The following ALK variants were observed in gnomAD, a reference collection of about 807,000 sequenced individuals.
The protein encoded by ALK is ALK receptor tyrosine kinase.
ALK carries 74 observed loss-of-function variants against 163.1 expected under a neutral mutation model. The observed-to-expected ratio is 0.45, with a 90% CI of 0.38 to 0.55. The LOEUF (loss-of-function observed/expected upper bound fraction) is 0.55, where lower values mean the gene tolerates loss of function less well. Among genes scored for constraint, ALK ranks in the 20% least tolerant of loss-of-function variants. The probability of loss-of-function intolerance (pLI) is 0.00; values close to 1 mark genes in which losing one functional copy is unlikely to be tolerated. For missense variants in ALK, 2,063 were observed against 2,105.3 expected, an observed-to-expected ratio of 0.98 and a Z score of 0.39; for synonymous variants, 960 against 843.2, an observed-to-expected ratio of 1.14 and a Z score of -2.40.
intron 3 of ALK, among the ~76,000 whole-genome samples, chr2:29,576,258 T>C (rs1163435193): frequency 6.6e-6 from 1 of 152,214 alleles, no homozygotes; most frequent in Non-Finnish European, 1.5e-5. Context: ...CTTACAAGTG[T>C]GCTTGTCAAC....
chr2:29,883,129 A>G, intron 1 of ALK, among the ~76,000 whole-genome samples: 1 of 152,068 alleles, frequency 6.6e-6, no homozygotes, highest in African/African-American at 2.4e-5. Context: ...AAGGGAAGGT[A>G]AAAGAAAAAA....
chr2:29,435,203 A>T (rs1387461258), intron 4 of ALK, among the ~76,000 whole-genome samples: 1 of 152,190 alleles, frequency 6.6e-6, no homozygotes, highest in East Asian at 1.9e-4. Context: ...CTTGTCATTC[A>T]TTCATTAAAC....
intron 3 of ALK, among the ~76,000 whole-genome samples, chr2:29,557,504 G>C (rs1217329477): frequency 6.6e-6 from 1 of 152,152 alleles, no homozygotes; most frequent in Admixed American, 6.5e-5. Flanking sequence ...ATAAATAGCA[G>C]AGGTAGGTCA....
chr2:29,492,468 G>C (rs1257919946), intron 4 of ALK, among the ~76,000 whole-genome samples: 1 of 152,176 alleles, frequency 6.6e-6, no homozygotes, highest in Non-Finnish European at 1.5e-5. Flanking sequence ...CATTAGGAGT[G>C]GGAAGAGGGA....
At chr2:29,730,167 C>T (rs1679696888) in intron 1 of ALK, among the ~76,000 whole-genome samples, 1 of 152,190 alleles carries the variant, frequency 6.6e-6, no homozygotes, top group African/African-American at 2.4e-5. Flanking sequence ...AAAGCAAAGG[C>T]TGTCCTTAGG....
intron 9 of ALK, among the ~76,000 whole-genome samples, chr2:29,278,864 G>T (rs1319379049): frequency 4.6e-5 from 7 of 152,190 alleles, no homozygotes; most frequent in African/African-American, 1.4e-4. Context: ...CTCCTAATCT[G>T]TCATTCACAG....
chr2:29,414,292 T>C (rs1669812095), intron 4 of ALK, among the ~76,000 whole-genome samples: 1 of 152,230 alleles, frequency 6.6e-6, no homozygotes, highest in Admixed American at 6.5e-5. Flanking sequence ...TAGGATCTCT[T>C]ACAGTTCTGA....
At chr2:29,306,161 A>G (rs1023207824) in intron 8 of ALK, among the ~76,000 whole-genome samples, 1 of 152,246 alleles carries the variant, frequency 6.6e-6, no homozygotes. Context: ...ACTGAATGCC[A>G]GGAAGCTGAA....
intron 1 of ALK, among the ~76,000 whole-genome samples, chr2:29,748,413 G>A (rs2148329301): frequency 6.6e-6 from 1 of 152,334 alleles, no homozygotes; most frequent in East Asian, 1.9e-4. Context: ...ATGTTAATGT[G>A]TGTATGAATC....
chr2:29,722,270 G>A (rs1211658194), intron 1 of ALK, among the ~76,000 whole-genome samples: 1 of 152,232 alleles, frequency 6.6e-6, no homozygotes, highest in African/African-American at 2.4e-5. Context: ...ACCAGCTGAT[G>A]ATCAATAAAT....
At chr2:29,895,457 G>C (rs1327575939) in intron 1 of ALK, among the ~76,000 whole-genome samples, 1 of 152,230 alleles carries the variant, frequency 6.6e-6, no homozygotes, top group Non-Finnish European at 1.5e-5. Flanking sequence ...CAAGAATTGA[G>C]GCTGGAAGCA....
At chr2:29,377,375 T>G (rs1668781067) in intron 5 of ALK, among the ~76,000 whole-genome samples, 1 of 150,292 alleles carries the variant, frequency 6.7e-6, no homozygotes, top group South Asian at 2.1e-4. Context: ...CTCAGGAGCC[T>G]GAGGCAGGAG....
At chr2:29,302,380 T>C (rs980020056) in intron 8 of ALK, among the ~76,000 whole-genome samples, 1 of 152,154 alleles carries the variant, frequency 6.6e-6, no homozygotes, top group Non-Finnish European at 1.5e-5. Flanking sequence ...TAGCTGGGTG[T>C]GGTGGCAGGC....
chr2:29,345,289 G>A (rs1019916549), intron 5 of ALK, among the ~76,000 whole-genome samples: 12 of 151,978 alleles, frequency 7.9e-5, no homozygotes, highest in Admixed American at 3.3e-4. Context: ...CTAGCTACCT[G>A]GGAGGCTGAG....
rs2148159625 is a variant in ALK, at chr2:29,214,093, C to G, written c.3646-12G>C. On this transcript the variant is annotated splice_polypyrimidine_tract_variant and intron_variant, in intron 23 of 28. Transcript: ENST00000389048. ...GAGGAGGGCTGGCTCTGTGGGGAGA[C>G]AGAAGCGGGCCACTGACGAGGAGCT... 8 of 1,612,044 alleles carry G rather than the reference C, an allele frequency of 5.0e-6. No homozygotes were observed. Among genetic ancestry groups the G allele is most frequent in the Non-Finnish European group, 6.8e-6 (8 of 1,178,220 alleles).
intron 1 of ALK, among the ~76,000 whole-genome samples, chr2:29,739,000 G>A (rs1291300667): frequency 6.6e-6 from 1 of 151,866 alleles, no homozygotes; most frequent in African/African-American, 2.4e-5. Flanking sequence ...GCTTTGGGAA[G>A]CCAAGGTAGG....
At chr2:29,401,339 T>C (rs1459292420) in intron 4 of ALK, among the ~76,000 whole-genome samples, 1 of 152,162 alleles carries the variant, frequency 6.6e-6, no homozygotes, top group African/African-American at 2.4e-5. Context: ...CTGCTGTTAC[T>C]TTCCCAAAAG....
chr2:29,902,080 C>T (rs76451454), intron 1 of ALK, among the ~76,000 whole-genome samples: 8,196 of 152,242 alleles, frequency 0.054, 378 homozygotes, highest in East Asian at 0.14. Context: ...AGTCTCTGTG[C>T]TGATGACTCC....
chr2:29,407,646 G>A lies in ALK; in HGVS notation c.1155-23787C>T, dbSNP rs554056250. On this transcript the variant is annotated intron_variant, in intron 4 of 28. Transcript: ENST00000389048. Reference sequence around the variant, plus strand: ...GGACTGTCTTTATATGCAAAGTAAGGGAGTAGGTCTAGGGCTTTCCTTGGT... The same window carrying A: ...GGACTGTCTTTATATGCAAAGTAAGAGAGTAGGTCTAGGGCTTTCCTTGGT... 5.9e-5 allele frequency among the ~76,000 whole-genome samples: 9 copies of A among 152,346 alleles called. No homozygotes were observed. The South Asian group carries it at 1.9e-3, about 32-fold the overall frequency.
Sources: gnomAD v4.1 joint callset for allele counts (sites outside exome capture counted in the v4.1 genomes callset) on GRCh38, gnomAD v4.1.1 for gene constraint, MANE v1.5 for transcripts, NCBI Gene and HGNC (gene_info 2026-07-23, HGNC 2026-07-21) for gene names.